The following KDM6A variants were observed in gnomAD, a reference collection of about 807,000 sequenced individuals.
The protein encoded by KDM6A is lysine-specific demethylase 6A.
In KDM6A, 11 loss-of-function variants were observed where a neutral mutation model predicts 117.6. The ratio of observed to expected loss-of-function variants is 0.09; its 90% CI spans 0.06 to 0.15. The LOEUF (loss-of-function observed/expected upper bound fraction) is 0.15, where lower values mean the gene tolerates loss of function less well. KDM6A is among the 10% of genes least tolerant of loss of function. The probability of loss-of-function intolerance (pLI) is 1.00; values close to 1 mark genes in which losing one functional copy is unlikely to be tolerated. For missense variants in KDM6A, 799 were observed against 1,077.3 expected (o/e 0.74, Z 3.62); for synonymous variants, 384 against 396.1 (o/e 0.97, Z 0.36).
intron 4 of KDM6A, among the ~76,000 whole-genome samples, chrX:44,996,499 A>G (rs1483999718): frequency 9.1e-6 from 1 of 109,330 alleles, no homozygotes; most frequent in Non-Finnish European, 1.9e-5. Flanking sequence ...GTCTGATTGC[A>G]TTATTGCTGT....
chrX:45,058,078 C>G (rs960949535), intron 10 of KDM6A, among the ~76,000 whole-genome samples: 12 of 68,911 alleles, frequency 1.7e-4, no homozygotes, highest in Non-Finnish European at 3.0e-4. Flanking sequence ...CTTACTCTCC[C>G]CCCCCCCCCT....
At chrX:45,051,078 C>T (rs1318246805) in intron 8 of KDM6A, among the ~76,000 whole-genome samples, 1 of 111,438 alleles carries the variant, frequency 9.0e-6, no homozygotes, top group East Asian at 2.8e-4. Flanking sequence ...GGTGCAATCT[C>T]GGCTCACCGC....
chrX:45,082,238 G>A (rs149035104), intron 21 of KDM6A, among the ~76,000 whole-genome samples: 1 of 110,288 alleles, frequency 9.1e-6, no homozygotes, highest in Non-Finnish European at 1.9e-5. Flanking sequence ...CAGGAGACTA[G>A]CCTGGGCAAC....
chrX:44,997,433 G>A (rs1045848757), intron 4 of KDM6A, among the ~76,000 whole-genome samples: 3 of 111,584 alleles, frequency 2.7e-5, no homozygotes, highest in Non-Finnish European at 5.7e-5. Context: ...CCGCCTGCAT[G>A]CTCCCCTCAA....
Position 45,092,818 on chromosome X carries a change from A to G in KDM6A, c.4034+1954A>G, listed in dbSNP as rs902347539. ...TGAATAATGAGATGAAATCAACTAC[A>G]CAAAGATCTATGGGTAGAACCTTTC... On this transcript the variant is annotated intron_variant, in intron 27 of 29. Transcript: ENST00000611820. 4.5e-5 allele frequency among the ~76,000 whole-genome samples: 5 copies of G among 111,551 alleles called. No homozygotes were observed. The Admixed American group carries it at 4.8e-4, about 11-fold the overall frequency.
At chrX:44,972,967 G>A (rs1007809582) in intron 3 of KDM6A, among the ~76,000 whole-genome samples, 11 of 109,903 alleles carry the variant, frequency 1.0e-4, no homozygotes, top group South Asian at 4.0e-4. Flanking sequence ...CCTGGGAGGC[G>A]GAGATTGCAG....
At chrX:44,880,586 T>G (rs1232334389) in intron 2 of KDM6A, among the ~76,000 whole-genome samples, 1 of 105,678 alleles carries the variant, frequency 9.5e-6, no homozygotes, top group Non-Finnish European at 1.9e-5. Context: ...AGGTCAGGAG[T>G]TCGAGACCAG....
chrX:44,894,781 GT>G (rs1179539135), intron 2 of KDM6A, among the ~76,000 whole-genome samples: 1 of 100,829 alleles, frequency 9.9e-6, no homozygotes, highest in African/African-American at 3.7e-5. Flanking sequence ...TGCCCGGCTA[GT>G]TTTTGTATTT....
chrX:44,923,791 C>T (rs1294958957), intron 2 of KDM6A, among the ~76,000 whole-genome samples: 2 of 110,843 alleles, frequency 1.8e-5, no homozygotes, highest in African/African-American at 6.6e-5. Flanking sequence ...GATGCAATCT[C>T]GGCTCACTGC....
chrX:44,895,073 A>ATTTT (rs1187247874), intron 2 of KDM6A, among the ~76,000 whole-genome samples: 6 of 87,293 alleles, frequency 6.9e-5, no homozygotes, highest in African/African-American at 1.8e-4. Context: ...AGCAACTTTT[A>ATTTT]TTTTATTTAT....
intron 4 of KDM6A, among the ~76,000 whole-genome samples, chrX:45,003,693 A>G (rs908486299): frequency 4.6e-5 from 5 of 108,418 alleles, no homozygotes; most frequent in African/African-American, 1.0e-4. Context: ...TTCCTTTACT[A>G]CTTATCTCTC....
intron 2 of KDM6A, among the ~76,000 whole-genome samples, chrX:44,926,264 G>A (rs1036567720): frequency 9.0e-6 from 1 of 110,987 alleles, no homozygotes; most frequent in Non-Finnish European, 1.9e-5. Flanking sequence ...CTAGAGACAG[G>A]GTTTGGTCAT....
At chrX:45,001,701 A>G (rs923754158) in intron 4 of KDM6A, among the ~76,000 whole-genome samples, 1 of 111,778 alleles carries the variant, frequency 8.9e-6, no homozygotes, top group Non-Finnish European at 1.9e-5. Context: ...AATAGAATAG[A>G]TGAAAGAGAG....
intron 4 of KDM6A, among the ~76,000 whole-genome samples, chrX:44,976,541 A>G (rs892311079): frequency 9.0e-6 from 1 of 111,451 alleles, no homozygotes; most frequent in Non-Finnish European, 1.9e-5. Context: ...ATTACTTATA[A>G]TACCTAATAA....
intron 4 of KDM6A, among the ~76,000 whole-genome samples, chrX:44,995,872 T>C (rs1438069737): frequency 9.0e-6 from 1 of 111,674 alleles, no homozygotes; most frequent in East Asian, 2.8e-4. Context: ...GTTGATGTTA[T>C]TAGATGCATT....
chrX:44,981,215 G>A (rs1208900787), intron 4 of KDM6A, among the ~76,000 whole-genome samples: 1 of 111,823 alleles, frequency 8.9e-6, no homozygotes, highest in Non-Finnish European at 1.9e-5. Context: ...TGAGAGCTAA[G>A]TCCCACAAGA....
chrX:44,915,584 C>T (rs1569423822), intron 2 of KDM6A, among the ~76,000 whole-genome samples: 2 of 112,159 alleles, frequency 1.8e-5, no homozygotes, highest in Non-Finnish European at 3.8e-5. Context: ...TAACTGCAGT[C>T]AGAAAATATT....
intron 2 of KDM6A, among the ~76,000 whole-genome samples, chrX:44,943,666 T>C (rs757848796): frequency 5.3e-5 from 6 of 112,232 alleles, no homozygotes; most frequent in Non-Finnish European, 1.1e-4. Flanking sequence ...TATAGATGTA[T>C]CACAGTTTGT....
rs184498192 is a variant in KDM6A, at chrX:44,963,377, G to A, written c.334+1985G>A. Among the ~76,000 whole-genome samples the A allele has an allele frequency of 4.3e-3, 462 of 108,303 alleles. 8 individuals carry two copies. The highest frequency in any genetic ancestry group is 0.015 in the African/African-American group (440 of 29,609). The allele number at this position is 108,303 out of a possible 115,157, so 94.0% of individuals were successfully genotyped here. A position where few individuals can be genotyped will look rare whatever the true frequency, so the allele number is the denominator to read the frequency against. On this transcript the variant is annotated intron_variant, in intron 3 of 29. Transcript: ENST00000611820. ...TGGGAGGAACACTTGAACCTGGGAG[G>A]TTGAGGAGGTTGAGGCTATGGTGAG...
Sources: gnomAD v4.1 joint callset for allele counts (sites outside exome capture counted in the v4.1 genomes callset) on GRCh38, gnomAD v4.1.1 for gene constraint, MANE v1.5 for transcripts, NCBI Gene and HGNC (gene_info 2026-07-23, HGNC 2026-07-21) for gene names.